BTBD16: variants seen among roughly 807,000 people sequenced by gnomAD.
BTBD16 encodes the protein BTB domain containing 16, also known as BTB/POZ domain-containing protein 16.
Under a neutral mutation model 67.4 loss-of-function variants are expected in BTBD16, and 66 were observed. The ratio of observed to expected loss-of-function variants is 0.98; its 90% CI spans 0.80 to 1.20. The LOEUF (loss-of-function observed/expected upper bound fraction) is 1.20. BTBD16 is among the 50% of genes most tolerant of loss of function. The pLI is 0.00. For missense variants in BTBD16, 634 were observed against 616.0 expected (o/e 1.03, Z -0.31); for synonymous variants, 242 against 236.4 (o/e 1.02, Z -0.22).
Position 122,336,625 on chromosome 10 carries a change from C to G in BTBD16, c.1395C>G (p.Phe465Leu). The change falls in exon 15 of 16, where the codon TTC (phenylalanine) becomes TTG (leucine). Residue 465 changes from phenylalanine (F) to leucine (L), a missense_variant. By Grantham distance (22) the Phe-to-Leu change is conservative. Coordinates refer to ENST00000260723, the MANE Select transcript of BTBD16 (RefSeq NM_144587.5). ...EALVDGKWQE[F>L]RTNQIKQKFG... is the part of the protein sequence containing the mutation. ...TGGTTGACGGCAAGTGGCAGGAGTT[C>G]AGGACAAACCAGATCAAGCAGAAGT... 6.2e-7 allele frequency: 1 copy of G among 1,609,872 alleles called. No individual in the cohort carries two copies. The highest frequency in any genetic ancestry group is 1.7e-5 in the Admixed American group (1 of 58,220).
intron 10 of BTBD16, among the ~76,000 whole-genome samples, chr10:122,315,710 T>A (rs563076629): frequency 4.4e-4 from 67 of 152,276 alleles, no homozygotes; most frequent in Non-Finnish European, 7.4e-4. Context: ...TTATGGGTCT[T>A]TTTGTGTCAA....
chr10:122,304,905 G>A (rs1038639774), intron 9 of BTBD16, among the ~76,000 whole-genome samples: 4 of 152,276 alleles, frequency 2.6e-5, no homozygotes, highest in African/African-American at 9.6e-5. Flanking sequence ...TCATGCTGCA[G>A]CAGGTACTGC....
chr10:122,309,909 C>T (rs1348592115), intron 10 of BTBD16, among the ~76,000 whole-genome samples: 1 of 151,592 alleles, frequency 6.6e-6, no homozygotes, highest in Non-Finnish European at 1.5e-5. Context: ...GTAGCTGGGA[C>T]TACAGGCACG....
intron 10 of BTBD16, among the ~76,000 whole-genome samples, chr10:122,309,589 C>T (rs767536826): frequency 3.5e-4 from 53 of 152,072 alleles, no homozygotes; most frequent in Non-Finnish European, 6.6e-4. Context: ...GCGATCCACC[C>T]GCCTCGGCCT....
At chr10:122,295,212 C>A in intron 7 of BTBD16, 2 of 735,758 alleles carry the variant, frequency 2.7e-6, no homozygotes, top group Non-Finnish European at 3.3e-6. Context: ...GCATGGAAAT[C>A]AAAACTAAGG....
At chr10:122,320,978 T>A (rs1017819581) in intron 10 of BTBD16, among the ~76,000 whole-genome samples, 1 of 152,114 alleles carries the variant, frequency 6.6e-6, no homozygotes, top group African/African-American at 2.4e-5. Context: ...TAGTACTCAA[T>A]AGGTAGTTTT....
intron 4 of BTBD16, among the ~76,000 whole-genome samples, chr10:122,284,204 G>A (rs1172123168): frequency 6.6e-6 from 1 of 152,144 alleles, no homozygotes; most frequent in Non-Finnish European, 1.5e-5. Flanking sequence ...TGTAATCCCA[G>A]CAGGAAGGCC....
In BTBD16 at chr10:122,334,938, G is replaced by A; in HGVS notation, c.1222G>A (p.Gly408Arg). The change falls in exon 14 of 16, where the codon GGA becomes AGA. Residue 408 changes from glycine (G) to arginine (R), a missense_variant. Physicochemically the swap from Gly to Arg is moderately radical, Grantham distance 125. Coordinates refer to ENST00000260723, the MANE Select transcript of BTBD16 (RefSeq NM_144587.5). The stretch of plus-strand genomic sequence containing the variant: ...ATATGGATTCTTCTTTAAGATAAAG[G>A]GACTCAAACATGATACTACCTCTTA... ...ALYGFFFKIKGLKHDTTSYSF... is the reference protein window; with the variant it reads ...ALYGFFFKIKRLKHDTTSYSF... 3 of 1,571,374 alleles carry A rather than the reference G, an allele frequency of 1.9e-6. No individual in the cohort carries two copies. The highest frequency in any genetic ancestry group is 2.6e-6 in the Non-Finnish European group (3 of 1,143,810).
At chr10:122,288,093 G>A (rs2096367135) in intron 5 of BTBD16, among the ~76,000 whole-genome samples, 1 of 149,922 alleles carries the variant, frequency 6.7e-6, no homozygotes, top group Admixed American at 6.6e-5. Flanking sequence ...CAGGCATTGT[G>A]CTAGGAGCTT....
intron 10 of BTBD16, among the ~76,000 whole-genome samples, chr10:122,309,757 G>A (rs2096410382): frequency 6.7e-6 from 1 of 148,970 alleles, no homozygotes; most frequent in South Asian, 2.1e-4. Context: ...ACAAGCATGA[G>A]CCACTGTGCT....
chr10:122,319,606 T>G (rs1160144704), intron 10 of BTBD16, among the ~76,000 whole-genome samples: 1 of 152,194 alleles, frequency 6.6e-6, no homozygotes, highest in East Asian at 1.9e-4. Flanking sequence ...ATATATTATC[T>G]TGATTAGATA....
chr10:122,334,340 C>CAT (rs1286142139), intron 13 of BTBD16, among the ~76,000 whole-genome samples: 19 of 150,606 alleles, frequency 1.3e-4, no homozygotes, highest in Admixed American at 2.0e-4. Context: ...GGACTACAGG[C>CAT]GCCCGCCACC....
intron 4 of BTBD16, among the ~76,000 whole-genome samples, chr10:122,284,431 A>G (rs998708393): frequency 1.4e-5 from 2 of 147,560 alleles, no homozygotes; most frequent in Non-Finnish European, 3.0e-5. Context: ...CCTGGGTGAC[A>G]GAGCAAGACT....
At chr10:122,332,343 G>A (rs1333989352) in intron 12 of BTBD16, 93 bp from the exon 13 acceptor site, 2 of 1,172,712 alleles carry the variant, frequency 1.7e-6, no homozygotes, top group Admixed American at 4.3e-5. Context: ...CCTGGTGAGG[G>A]GGGCAGGGGT....
intron 2 of BTBD16, 141 bp from the exon 3 acceptor site, chr10:122,276,650 G>A: frequency 9.1e-7 from 1 of 1,103,874 alleles, no homozygotes; most frequent in Non-Finnish European, 1.3e-6. Flanking sequence ...GTTGTCTTGT[G>A]AGAAATATTA....
intron 14 of BTBD16, 21 bp from the exon 15 acceptor site, chr10:122,336,473 G>C: frequency 6.3e-7 from 1 of 1,581,612 alleles, no homozygotes; most frequent in Non-Finnish European, 8.6e-7. Flanking sequence ...TTCCACCTAA[G>C]GTGAATCACT....
At position 122,329,667 on chromosome 10, in the gene BTBD16, A is replaced by G. The variant is rs2096451950; in HGVS notation, c.1003+96A>G. 7 of 1,009,408 alleles carry G rather than the reference A, an allele frequency of 6.9e-6. No homozygotes were observed. In the South Asian group the frequency reaches 9.6e-5, roughly 14 times the overall value. The allele number at this position is 1,009,408 out of a possible 1,614,324, so 62.5% of individuals were successfully genotyped here. On this transcript the variant is annotated intron_variant, in intron 11 of 15. Transcript: ENST00000260723. ...CGGGGGAGCCCCACCTGATGTTTCC[A>G]AGGGAATCACCTGAATCGTGGCATT... is the stretch of plus-strand genomic sequence containing the variant.
intron 10 of BTBD16, among the ~76,000 whole-genome samples, chr10:122,317,635 A>C (rs1280049156): frequency 6.6e-6 from 1 of 151,546 alleles, no homozygotes; most frequent in Non-Finnish European, 1.5e-5. Context: ...TGACAGAGCG[A>C]GACTCTGTCT....
At chr10:122,273,019 A>G (rs1399584101) in intron 1 of BTBD16, among the ~76,000 whole-genome samples, 3 of 120,980 alleles carry the variant, frequency 2.5e-5, no homozygotes, top group African/African-American at 1.1e-4. Flanking sequence ...CAGCTTGGCA[A>G]AAATAAATAC....
Sources: gnomAD v4.1 joint callset for allele counts (sites outside exome capture counted in the v4.1 genomes callset) on GRCh38, gnomAD v4.1.1 for gene constraint, MANE v1.5 for transcripts, NCBI Gene and HGNC (gene_info 2026-07-23, HGNC 2026-07-21) for gene names.